Variants in LRBA observed in about 807,000 individuals in gnomAD.
LRBA encodes lipopolysaccharide-responsive and beige-like anchor protein.
In LRBA, 176 loss-of-function variants were observed where a neutral mutation model predicts 330.0. The ratio of observed to expected loss-of-function variants is 0.53; its 90% CI spans 0.47 to 0.60. The LOEUF (loss-of-function observed/expected upper bound fraction) is 0.60. LRBA is among the 20% of genes least tolerant of loss of function. The pLI, the probability that LRBA is intolerant of heterozygous loss-of-function variation, is 0.00. For missense variants in LRBA, 3,259 were observed against 3,444.8 expected (o/e 0.95, Z 1.35); for synonymous variants, 1,230 against 1,193.0 (o/e 1.03, Z -0.64).
intron 48 of LRBA, among the ~76,000 whole-genome samples, chr4:150,330,291 C>A (rs1733819525): frequency 6.6e-6 from 1 of 152,172 alleles, no homozygotes; most frequent in South Asian, 2.1e-4. Flanking sequence ...TTCTACTCCT[C>A]TCTAGAAAAC....
chr4:150,687,516 G>A (rs1783732268), intron 36 of LRBA, among the ~76,000 whole-genome samples: 1 of 151,816 alleles, frequency 6.6e-6, no homozygotes, highest in Non-Finnish European at 1.5e-5. Flanking sequence ...TCACAACATG[G>A]CCACAAAATA....
At chr4:150,491,886 A>C (rs1167212448) in intron 40 of LRBA, among the ~76,000 whole-genome samples, 5 of 152,186 alleles carry the variant, frequency 3.3e-5, no homozygotes. Flanking sequence ...TATACATAAT[A>C]CATAAGAAAA....
intron 2 of LRBA, among the ~76,000 whole-genome samples, chr4:150,975,357 C>G (rs918673792): frequency 4.6e-5 from 7 of 151,620 alleles, no homozygotes; most frequent in Admixed American, 2.6e-4. Context: ...TGGTGAAACC[C>G]CATCTTAAAA....
At chr4:150,623,712 C>A (rs898009846) in intron 37 of LRBA, among the ~76,000 whole-genome samples, 3 of 151,766 alleles carry the variant, frequency 2.0e-5, no homozygotes, top group Admixed American at 6.6e-5. Context: ...TTTCTATATA[C>A]CCCTTATACT....
At chr4:150,702,882 G>A (rs898318885) in intron 36 of LRBA, among the ~76,000 whole-genome samples, 13 of 152,116 alleles carry the variant, frequency 8.5e-5, no homozygotes, top group Middle Eastern at 3.2e-3. Context: ...AATTCCGGCC[G>A]GGCATGGTGG....
intron 22 of LRBA, among the ~76,000 whole-genome samples, chr4:150,859,509 A>T (rs142492111): frequency 2.0e-5 from 3 of 152,322 alleles, no homozygotes; most frequent in South Asian, 2.1e-4. Context: ...ACAACAAATA[A>T]GACAATGAAA....
At chr4:150,788,926 G>A (rs1204033998) in intron 34 of LRBA, among the ~76,000 whole-genome samples, 2 of 151,284 alleles carry the variant, frequency 1.3e-5, no homozygotes, top group African/African-American at 2.4e-5. Context: ...ATTCAAAAAT[G>A]TGCCAGACAT....
At chr4:150,382,874 A>T (rs1742480304) in intron 47 of LRBA, among the ~76,000 whole-genome samples, 1 of 152,232 alleles carries the variant, frequency 6.6e-6, no homozygotes, top group African/African-American at 2.4e-5. Context: ...TCTAACACTC[A>T]TAAGGACAAA....
chr4:150,449,848 A>G (rs1371238229), intron 44 of LRBA, among the ~76,000 whole-genome samples: 1 of 152,144 alleles, frequency 6.6e-6, no homozygotes, highest in Non-Finnish European at 1.5e-5. Context: ...TAGAATCATA[A>G]AAATAATCTA....
At chr4:150,579,128 C>T (rs1701080573) in intron 40 of LRBA, 2 of 418,884 alleles carry the variant, frequency 4.8e-6, no homozygotes, top group Non-Finnish European at 9.4e-6. Context: ...ACTTGGTCTC[C>T]TTTAATAGAA....
intron 8 of LRBA, 57 bp downstream of exon 8, chr4:150,915,550 TA>T: frequency 6.7e-7 from 1 of 1,489,616 alleles, no homozygotes; most frequent in Non-Finnish European, 9.0e-7. Context: ...TTTTCTTGTT[TA>T]AAAAGCTCAT....
intron 47 of LRBA, among the ~76,000 whole-genome samples, chr4:150,392,153 T>C (rs1451129997): frequency 1.3e-5 from 2 of 152,162 alleles, no homozygotes; most frequent in Non-Finnish European, 2.9e-5. Context: ...TCATTTGCTC[T>C]CTTCTTCCTT....
At chr4:150,702,538 T>A (rs1333426764) in intron 36 of LRBA, among the ~76,000 whole-genome samples, 1 of 152,070 alleles carries the variant, frequency 6.6e-6, no homozygotes, top group Non-Finnish European at 1.5e-5. Context: ...AGCTACAGAT[T>A]TGAGACTACA....
intron 28 of LRBA, among the ~76,000 whole-genome samples, chr4:150,836,152 C>A (rs1748030446): frequency 6.6e-6 from 1 of 152,044 alleles, no homozygotes; most frequent in African/African-American, 2.4e-5. Context: ...GGATGAAGCC[C>A]ACTTGATCAT....
intron 36 of LRBA, among the ~76,000 whole-genome samples, chr4:150,707,694 T>C (rs1415290322): frequency 6.6e-6 from 1 of 151,446 alleles, no homozygotes; most frequent in Non-Finnish European, 1.5e-5. Context: ...GGTGAGACAA[T>C]AAAGACCATT....
At chr4:150,434,638 G>A (rs557766768) in intron 46 of LRBA, among the ~76,000 whole-genome samples, 9 of 152,054 alleles carry the variant, frequency 5.9e-5, no homozygotes, top group Non-Finnish European at 1.0e-4. Flanking sequence ...GGAAGATCGC[G>A]TAAGACAGTT....
intron 37 of LRBA, among the ~76,000 whole-genome samples, chr4:150,635,298 C>T (rs1777782856): frequency 6.6e-6 from 1 of 152,224 alleles, no homozygotes; most frequent in Admixed American, 6.5e-5. Flanking sequence ...ACTCTTTACT[C>T]CAGATTTTTC....
intron 36 of LRBA, among the ~76,000 whole-genome samples, chr4:150,712,249 A>T (rs2127041555): frequency 6.6e-6 from 1 of 152,332 alleles, no homozygotes; most frequent in South Asian, 2.1e-4. Flanking sequence ...TACCTGACCC[A>T]TAAAATGTAT....
At chr4:150,404,109 C>T (rs1326352337) in intron 47 of LRBA, among the ~76,000 whole-genome samples, 3 of 152,118 alleles carry the variant, frequency 2.0e-5, no homozygotes, top group African/African-American at 7.2e-5. Flanking sequence ...CTATTGATAT[C>T]ATGAGCAGCC....
Sources: allele counts gnomAD v4.1 joint callset (sites outside exome capture counted in the v4.1 genomes callset), GRCh38; gene constraint gnomAD v4.1.1; transcripts MANE v1.5; gene names NCBI Gene and HGNC (gene_info 2026-07-23, HGNC 2026-07-21).